The following RBM26 variants were observed in gnomAD, a reference collection of about 807,000 sequenced individuals.
RBM26 encodes the protein RNA binding motif protein 26.
RBM26 carries 30 observed loss-of-function variants against 123.6 expected under a neutral mutation model. That is an observed-to-expected ratio of 0.24 (90% CI 0.18 to 0.33). The LOEUF is 0.33. RBM26 is among the 10% of genes least tolerant of loss of function. RBM26 has a pLI of 1.00. For missense variants in RBM26, 947 were observed against 1,203.6 expected, an observed-to-expected ratio of 0.79 and a Z score of 3.15; for synonymous variants, 400 against 404.4, an observed-to-expected ratio of 0.99 and a Z score of 0.13.
At chr13:79,368,062 G>A (rs2075515090) in intron 6 of RBM26, among the ~76,000 whole-genome samples, 1 of 142,968 alleles carries the variant, frequency 7.0e-6, no homozygotes, top group Non-Finnish European at 1.5e-5. Flanking sequence ...GTCTCGCTCT[G>A]TCACCCGGGC....
At chr13:79,340,124 C>T (rs1285968436) in intron 18 of RBM26, among the ~76,000 whole-genome samples, 1 of 151,788 alleles carries the variant, frequency 6.6e-6, no homozygotes, top group Non-Finnish European at 1.5e-5. Context: ...GGGAAAAACA[C>T]AATTTCTCTA....
At chr13:79,405,614 A>C (rs866241608) in intron 1 of RBM26, 90 bp downstream of exon 1, 1 of 847,976 alleles carries the variant, frequency 1.2e-6, no homozygotes, top group Middle Eastern at 2.5e-4. Flanking sequence ...TTCGGCCTCC[A>C]CCGCAGGCAC....
At chr13:79,391,563 A>C (rs778143731) in intron 1 of RBM26, among the ~76,000 whole-genome samples, 18 of 152,066 alleles carry the variant, frequency 1.2e-4, no homozygotes, top group Non-Finnish European at 1.9e-4. Context: ...AGCTGGGATT[A>C]CAGGCGCCCA....
At chr13:79,337,712 T>C (rs922061646) in intron 18 of RBM26, among the ~76,000 whole-genome samples, 3 of 152,240 alleles carry the variant, frequency 2.0e-5, no homozygotes, top group Non-Finnish European at 2.9e-5. Context: ...TGTTTGCCAA[T>C]TGACTTCAAT....
intron 14 of RBM26, among the ~76,000 whole-genome samples, chr13:79,349,608 T>A (rs936414900): frequency 4.0e-5 from 6 of 150,260 alleles, no homozygotes; most frequent in African/African-American, 1.2e-4. Flanking sequence ...GAAAAAAAAA[T>A]GCAGGTAATA....
intron 11 of RBM26, among the ~76,000 whole-genome samples, chr13:79,357,452 T>C (rs2074159176): frequency 6.6e-6 from 1 of 151,740 alleles, no homozygotes; most frequent in Non-Finnish European, 1.5e-5. Flanking sequence ...ATAAACTCAA[T>C]ACTAAAAAAA....
At chr13:79,376,728 A>G (rs1222627140) in intron 3 of RBM26, 1 of 152,172 alleles carries the variant, frequency 6.6e-6, no homozygotes, top group Non-Finnish European at 1.5e-5. Context: ...TTGTCAACCT[A>G]ATTATTTTCA....
intron 14 of RBM26, among the ~76,000 whole-genome samples, chr13:79,345,287 T>C (rs1405973564): frequency 1.3e-5 from 2 of 151,878 alleles, no homozygotes; most frequent in African/African-American, 2.4e-5. Flanking sequence ...GAACTGACCT[T>C]ACTCCCCTAA....
chr13:79,365,789 G>C, intron 8 of RBM26, 71 bp from the exon 9 acceptor site: 1 of 350,148 alleles, frequency 2.9e-6, no homozygotes, highest in Non-Finnish European at 3.9e-6. Context: ...ATATTGATAA[G>C]AGAAAAAGTA....
downstream of RBM26, chr13:79,315,090 A>T: frequency 1.7e-6 from 1 of 579,098 alleles, no homozygotes; most frequent in Non-Finnish European, 2.8e-6. Context: ...TTTTCTAAAC[A>T]TTAAAAAAGT....
chr13:79,360,119 T>G (rs1413320207), intron 9 of RBM26, among the ~76,000 whole-genome samples: 2 of 152,092 alleles, frequency 1.3e-5, no homozygotes, highest in Non-Finnish European at 2.9e-5. Context: ...TTTATTATAG[T>G]ATATTGTTAT....
chr13:79,378,995 G>C, intron 1 of RBM26, 88 bp from the exon 2 acceptor site: 1 of 804,338 alleles, frequency 1.2e-6, no homozygotes. Context: ...GAGAATAATA[G>C]TTAAGTGAGT....
At chr13:79,316,980 GTT>G (rs751640199), downstream of RBM26, among the ~76,000 whole-genome samples, 17 of 151,550 alleles carry the variant, frequency 1.1e-4, no homozygotes, top group East Asian at 2.1e-3. Context: ...ATATTGGTTT[GTT>G]TTTTTTTTAA....
At chr13:79,402,710 C>T (rs969987621) in intron 1 of RBM26, among the ~76,000 whole-genome samples, 1 of 152,160 alleles carries the variant, frequency 6.6e-6, no homozygotes, top group African/African-American at 2.4e-5. Flanking sequence ...GGTCTCCAAT[C>T]CCATCCTTTT....
At chr13:79,312,367 A>C (rs1189161491) in exon 5 of RBM26, 1 of 152,086 alleles carries the variant, frequency 6.6e-6, no homozygotes, top group Admixed American at 6.6e-5. Flanking sequence ...GATACTTAAA[A>C]CATTCTATCA....
chr13:79,385,405 C>T (rs1454988983), intron 1 of RBM26, among the ~76,000 whole-genome samples: 1 of 152,174 alleles, frequency 6.6e-6, no homozygotes, highest in Non-Finnish European at 1.5e-5. Flanking sequence ...CATCCTTGAG[C>T]ATCACACAAT....
Position 79,322,432 on chromosome 13 carries a change from G to T in RBM26, c.2851C>A (p.Gln951Lys). 1.3e-6 allele frequency: 2 copies of T among 1,574,990 alleles called. No individual in the cohort carries two copies. The highest frequency in any genetic ancestry group is 2.4e-5 in the South Asian group (2 of 83,662). ...AAVHGARFKG[Q>K]DLKLAWNKPV... ...TTATTCCATGCCAGTTTTAGATCTT[G>T]CCCTTTGAAACGAGCTCCATGAACT... Residue 951 changes from glutamine to lysine, a missense_variant, in exon 21 of 22, where the codon CAA (glutamine) becomes AAA (lysine). Around this residue, in one of 5 missense-constraint regions of RBM26, gnomAD observed 164 missense variants for 215.3 expected, o/e 0.76. Transcript: ENST00000438737.
At chr13:79,333,139 A>T (rs1377525542) in intron 20 of RBM26, among the ~76,000 whole-genome samples, 2 of 152,212 alleles carry the variant, frequency 1.3e-5, no homozygotes, top group Non-Finnish European at 2.9e-5. Flanking sequence ...ACATTTAATC[A>T]AAGATCTACC....
At chr13:79,339,437 AT>A (rs2071007917) in intron 18 of RBM26, among the ~76,000 whole-genome samples, 1 of 152,198 alleles carries the variant, frequency 6.6e-6, no homozygotes, top group Non-Finnish European at 1.5e-5. Context: ...CATCAAAAAA[AT>A]CACAAGTATG....
Sources: gnomAD v4.1 joint callset for allele counts (sites outside exome capture counted in the v4.1 genomes callset) on GRCh38, gnomAD v4.1.1 for gene constraint, gnomAD v4.1.1 regional missense constraint, MANE v1.5 for transcripts, NCBI Gene and HGNC (gene_info 2026-07-23, HGNC 2026-07-21) for gene names.